Variants in UBR4 observed in about 807,000 individuals in gnomAD.
UBR4 encodes the protein ubiquitin protein ligase E3 component n-recognin 4.
UBR4 carries 124 observed loss-of-function variants against 575.6 expected under a neutral mutation model. The ratio of observed to expected loss-of-function variants is 0.22; its 90% CI spans 0.19 to 0.25. The LOEUF is 0.25. UBR4 is among the 10% of genes least tolerant of loss of function. UBR4 has a pLI of 1.00. For synonymous variants in UBR4, 2,455 were observed against 2,473.7 expected (o/e 0.99, Z 0.22); for missense variants, 4,818 against 6,478.8 (o/e 0.74, Z 8.80).
At position 19,104,097 on chromosome 1, in the gene UBR4, C is replaced by T. The variant is rs1362505416; in HGVS notation, c.12888G>A (p.Glu4296=). Residue 4296 remains glutamate, a synonymous_variant, in exon 87 of 106, where the codon GAG becomes GAA. Transcript: ENST00000375254. ...ETQDMLLEML[E]DMTTGTESET... ...GGGCAGTGCTACCTGTGGTCATGTC[C>T]TCCAGCATCTCCAGCAGCATGTCCT... 1 of 1,614,080 alleles carries T rather than the reference C, an allele frequency of 6.2e-7. No individual in the cohort carries two copies. Among genetic ancestry groups the T allele is most frequent in the Non-Finnish European group, 8.5e-7 (1 of 1,180,018 alleles).
At chr1:19,144,697 A>G (rs367828284) in intron 54 of UBR4, 89 bp downstream of exon 54, 2 of 1,515,606 alleles carry the variant, frequency 1.3e-6, no homozygotes, top group African/African-American at 1.4e-5. Flanking sequence ...CTCTAAATAT[A>G]TTTTATTTCA....
chr1:19,133,300 T>C (rs368296611), intron 60 of UBR4, among the ~76,000 whole-genome samples: 1 of 152,184 alleles, frequency 6.6e-6, no homozygotes. Flanking sequence ...AAAAACCATA[T>C]AAGTGATTCA....
At position 19,139,362 on chromosome 1, in the gene UBR4, T is replaced by C; in HGVS notation, c.8594-142A>G. The C allele has an allele frequency of 8.6e-7, 1 of 1,159,652 alleles. No individual in the cohort carries two copies. Among genetic ancestry groups the C allele is most frequent in the Non-Finnish European group, 1.1e-6 (1 of 897,606 alleles). 71.8% of individuals were successfully genotyped at this position (1,159,652 alleles called of 1,614,324 possible). On this transcript the variant is annotated intron_variant, in intron 58 of 105. Transcript: ENST00000375254. This position sits in a 1 kb window ranked among gnomAD's most constrained non-coding sequence, Gnocchi z 4.2. ...ACAATGCAGTTTATATATCCTGTCG[T>C]CAAAGAAAAAAGGGAGAGATTTGCT...
In UBR4 at chr1:19,156,260, T is replaced by C. The variant is rs543563259; in HGVS notation, c.6072+11A>G. 1.0e-4 allele frequency: 166 copies of C among 1,613,776 alleles called. 2 individuals carry two copies. The South Asian group carries it at 1.7e-3, about 17-fold the overall frequency. The stretch of plus-strand genomic sequence containing the variant: ...TTCTAGGACCATATCATCAAAGAAC[T>C]GTAACTGTACCTTAACAAAGTCTGC... On this transcript the variant is annotated intron_variant, in intron 42 of 105. Coordinates refer to ENST00000375254, the MANE Select transcript of UBR4 (RefSeq NM_020765.3).
At chr1:19,201,618 T>C (rs151020291) in intron 2 of UBR4, 100 bp downstream of exon 2, 17 of 1,038,740 alleles carry the variant, frequency 1.6e-5, no homozygotes, top group Non-Finnish European at 2.4e-5. Flanking sequence ...TGCTAAAACC[T>C]AGACTTCATT....
chr1:19,190,312 A>AAAAAAT, intron 11 of UBR4, among the ~76,000 whole-genome samples: 4 of 79,918 alleles, frequency 5.0e-5, no homozygotes, highest in South Asian at 8.3e-4. Flanking sequence ...AAAAAAAAAA[A>AAAAAAT]ATATATATAT....
chr1:19,118,740 G>T (rs776896748), intron 71 of UBR4, 132 bp downstream of exon 71: 393 of 828,054 alleles, frequency 4.7e-4, no homozygotes, highest in Non-Finnish European at 6.4e-4. Context: ...GAGGGGATTG[G>T]AATCTCAACT....
chr1:19,187,050 T>G, intron 13 of UBR4, 114 bp downstream of exon 13: 1 of 819,852 alleles, frequency 1.2e-6, no homozygotes, highest in Non-Finnish European at 1.5e-6. Flanking sequence ...TGGTGTGTAG[T>G]CAGTCTTATT....
intron 55 of UBR4, among the ~76,000 whole-genome samples, chr1:19,142,618 T>C (rs1363476384): frequency 6.6e-6 from 1 of 152,244 alleles, no homozygotes; most frequent in Non-Finnish European, 1.5e-5. Flanking sequence ...CACATGTGAC[T>C]ACTGAGCACT....
rs1020926354 is a variant in UBR4, at chr1:19,096,724, A to G, written c.13391-74T>C. ...GGAATAAAATAGGCCAGGATAAGAC[A>G]GCCCTATTCCTGGCTGATGGCTGAC... On this transcript the variant is annotated intron_variant, in intron 91 of 105. Coordinates refer to ENST00000375254, the MANE Select transcript of UBR4 (RefSeq NM_020765.3). 19 of 1,561,064 alleles carry G rather than the reference A, an allele frequency of 1.2e-5. No homozygotes were observed. The Admixed American group carries it at 3.5e-4, about 28-fold the overall frequency.
At chr1:19,075,156 A>C (rs2075800462) in intron 105 of UBR4, 1 of 511,344 alleles carries the variant, frequency 2.0e-6, no homozygotes. Context: ...TGATGTTCTG[A>C]AATTTTCTAA....
intron 103 of UBR4, chr1:19,079,412 A>T (rs994513771): frequency 6.6e-6 from 1 of 152,224 alleles, no homozygotes; most frequent in Non-Finnish European, 1.5e-5. Context: ...GTGGATGAGG[A>T]CAAGAATCCA....
At chr1:19,133,478 GAA>G (rs1236797829) in intron 60 of UBR4, among the ~76,000 whole-genome samples, 1 of 152,098 alleles carries the variant, frequency 6.6e-6, no homozygotes, top group Non-Finnish European at 1.5e-5. Flanking sequence ...CTGAGTTTGG[GAA>G]TGAGATAATG....
chr1:19,178,491 T>A (rs1197173044), intron 18 of UBR4, among the ~76,000 whole-genome samples: 1 of 152,210 alleles, frequency 6.6e-6, no homozygotes, highest in Non-Finnish European at 1.5e-5. Flanking sequence ...AGAAGGTTTA[T>A]GCTTTCTCAA....
intron 103 of UBR4, chr1:19,080,227 GAT>G (rs1413322285): frequency 2.6e-5 from 4 of 152,218 alleles, no homozygotes; most frequent in Non-Finnish European, 5.9e-5. Context: ...ACTGGAAAGT[GAT>G]ATGTTAGGAA....
intron 17 of UBR4, among the ~76,000 whole-genome samples, chr1:19,179,701 C>A (rs930826644): frequency 6.8e-6 from 1 of 146,898 alleles, no homozygotes. Flanking sequence ...GATCTCAAGG[C>A]ACCCAGAACT....
chr1:19,125,205 T>A (rs2149554505), intron 64 of UBR4, among the ~76,000 whole-genome samples: 1 of 152,266 alleles, frequency 6.6e-6, no homozygotes, highest in Admixed American at 6.5e-5. Context: ...GTGAGGACAG[T>A]GGAAACAACA....
In UBR4 at chr1:19,123,077, C is replaced by T. The variant is rs374826688; in HGVS notation, c.9589-17G>A. On this transcript the variant is annotated splice_polypyrimidine_tract_variant and intron_variant, in intron 65 of 105. Transcript: ENST00000375254. ...CATGAGGTACTTGAGAAGAAAAACA[C>T]CACAAAGAGTAAATGACTCTGGGAC... The T allele has an allele frequency of 6.2e-7, 1 of 1,612,566 alleles. No individual in the cohort carries two copies. Among genetic ancestry groups the T allele is most frequent in the Non-Finnish European group, 8.5e-7 (1 of 1,178,896 alleles).
At chr1:19,114,104 T>G in intron 75 of UBR4, 34 bp from the exon 76 acceptor site, 1 of 1,596,360 alleles carries the variant, frequency 6.3e-7, no homozygotes, top group Non-Finnish European at 8.6e-7. Flanking sequence ...GAGTGAAGGC[T>G]TTTTGGCTGA....
Sources: allele counts gnomAD v4.1 joint callset (sites outside exome capture counted in the v4.1 genomes callset), GRCh38; gene constraint gnomAD v4.1.1; non-coding constraint Gnocchi (gnomAD v3.1); transcripts MANE v1.5; gene names NCBI Gene and HGNC (gene_info 2026-07-23, HGNC 2026-07-21).